The following KCNH1 variants were observed in gnomAD, a reference collection of about 807,000 sequenced individuals.
KCNH1 encodes potassium voltage-gated channel subfamily H member 1, also known as voltage-gated delayed rectifier potassium channel KCNH1.
In KCNH1, 27 loss-of-function variants were observed where a neutral mutation model predicts 69.2. That is an observed-to-expected ratio of 0.39 (90% CI 0.29 to 0.54). KCNH1 has a LOEUF of 0.54. KCNH1 is among the 20% of genes least tolerant of loss of function. The pLI is 0.68. For synonymous variants in KCNH1, 456 were observed against 487.7 expected (o/e 0.93, Z 0.86); for missense variants, 798 against 1,261.6 (o/e 0.63, Z 5.57).
chr1:210,785,157 G>T (rs1684069767), intron 9 of KCNH1, among the ~76,000 whole-genome samples: 1 of 152,194 alleles, frequency 6.6e-6, no homozygotes, highest in African/African-American at 2.4e-5. Flanking sequence ...CAAGATATGG[G>T]AGAGGCAAGG....
intron 10 of KCNH1, among the ~76,000 whole-genome samples, chr1:210,725,204 C>T (rs1465530990): frequency 4.6e-5 from 7 of 152,168 alleles, no homozygotes; most frequent in Non-Finnish European, 8.8e-5. Flanking sequence ...ATGCCCATAG[C>T]CCGTAGCTGC....
chr1:210,978,323 C>T (rs1204284838), intron 6 of KCNH1, among the ~76,000 whole-genome samples: 9 of 152,302 alleles, frequency 5.9e-5, no homozygotes, highest in African/African-American at 2.2e-4. Flanking sequence ...CAGGCATGAG[C>T]CACCGCGCCC....
At chr1:210,751,255 C>T (rs770458289) in intron 10 of KCNH1, among the ~76,000 whole-genome samples, 3 of 152,114 alleles carry the variant, frequency 2.0e-5, no homozygotes, top group Non-Finnish European at 4.4e-5. Context: ...GGCTGATGAG[C>T]TGGACGCAAG....
chr1:210,709,993 A>G (rs928286714), intron 10 of KCNH1, among the ~76,000 whole-genome samples: 1 of 152,256 alleles, frequency 6.6e-6, no homozygotes, highest in South Asian at 2.1e-4. Flanking sequence ...ACAGGAATAC[A>G]TTCTGATAAA....
chr1:210,846,922 C>T lies in KCNH1; in HGVS notation c.1463-42756G>A, dbSNP rs551125676. 2.0e-4 allele frequency among the ~76,000 whole-genome samples: 30 copies of T among 152,268 alleles called. 1 individual carries two copies. The South Asian group carries it at 5.6e-3, about 28-fold the overall frequency. On this transcript the variant is annotated intron_variant, in intron 7 of 10. Transcript: ENST00000271751. The stretch of plus-strand genomic sequence containing the variant: ...ACCCCATCAAAAAGTGGGCGAAGGA[C>T]ATGAACAGACACTTCTCAAAAGAAG...
intron 6 of KCNH1, among the ~76,000 whole-genome samples, chr1:211,011,601 T>C (rs1689395747): frequency 6.6e-6 from 1 of 152,182 alleles, no homozygotes; most frequent in East Asian, 1.9e-4. Context: ...CAGAGTGATT[T>C]GTTTTTAGGT....
chr1:210,859,018 G>T, intron 7 of KCNH1: 1 of 565,276 alleles, frequency 1.8e-6, no homozygotes, highest in Non-Finnish European at 3.1e-6. Flanking sequence ...TGCATGATCA[G>T]GTCCCATCTC....
intron 6 of KCNH1, among the ~76,000 whole-genome samples, chr1:210,997,963 G>T (rs1689085369): frequency 6.6e-6 from 1 of 152,296 alleles, no homozygotes; most frequent in East Asian, 1.9e-4. Context: ...AGCAAATGCT[G>T]AGAGATTTTG....
At chr1:210,690,608 G>A (rs949823751) in intron 10 of KCNH1, among the ~76,000 whole-genome samples, 1 of 152,188 alleles carries the variant, frequency 6.6e-6, no homozygotes, top group African/African-American at 2.4e-5. Context: ...TGAGGCAGTT[G>A]GTTGGGTTTT....
chr1:211,019,597 C>A (rs1340522635), intron 5 of KCNH1, among the ~76,000 whole-genome samples: 1 of 152,060 alleles, frequency 6.6e-6, no homozygotes, highest in African/African-American at 2.4e-5. Context: ...TTCTATTAGC[C>A]AATTATTATT....
Position 210,683,446 on chromosome 1 carries a change from C to G in KCNH1, c.2805G>C (p.Glu935Asp). Residue 935 changes from glutamate to aspartate, a missense_variant, in exon 11 of 11, where the codon GAG becomes GAC. Coordinates refer to ENST00000271751, the MANE Select transcript of KCNH1 (RefSeq NM_172362.3). The surrounding 1 kb of genome is among the most constrained non-coding windows in gnomAD (Gnocchi z 5.7). ...TVLEVRHELKEDIKALNAKMT... is the reference protein window; with the variant it reads ...TVLEVRHELKDDIKALNAKMT... ...TTTTGGCGTTTAAGGCCTTGATGTCCTCCTTCAGCTCGTGCCTCACCTCCA... is the reference window on the plus strand; with the variant it reads ...TTTTGGCGTTTAAGGCCTTGATGTCGTCCTTCAGCTCGTGCCTCACCTCCA... The G allele has an allele frequency of 6.2e-7, 1 of 1,614,182 alleles. No individual in the cohort carries two copies. Among genetic ancestry groups the G allele is most frequent in the Non-Finnish European group, 8.5e-7 (1 of 1,180,036 alleles).
rs1689458188 is a variant in KCNH1 at position 211,014,589 on chromosome 1, CT to C, written c.1032+4193del. ...TACCCCAGTTCTTTTTTGACCCAGA[CT>C]TTGGGTGGCTCCAATCTTTTCACTT... On this transcript the variant is annotated intron_variant, in intron 6 of 10. Coordinates refer to ENST00000271751, the MANE Select transcript of KCNH1 (RefSeq NM_172362.3). 2.6e-5 allele frequency among the ~76,000 whole-genome samples: 4 copies of C among 152,070 alleles called. No homozygotes were observed. The South Asian group carries it at 8.3e-4, about 32-fold the overall frequency.
intron 7 of KCNH1, among the ~76,000 whole-genome samples, chr1:210,915,853 T>C (rs570296326): frequency 4.6e-5 from 7 of 152,306 alleles, no homozygotes; most frequent in African/African-American, 1.4e-4. Flanking sequence ...GGATAATCTA[T>C]ATTATGGCTA....
intron 6 of KCNH1, among the ~76,000 whole-genome samples, chr1:210,952,222 C>G (rs968408928): frequency 6.6e-6 from 1 of 152,200 alleles, no homozygotes; most frequent in African/African-American, 2.4e-5. Flanking sequence ...ATATACTCAT[C>G]TCTGGCCATA....
At chr1:211,010,867 A>G (rs1406268585) in intron 6 of KCNH1, among the ~76,000 whole-genome samples, 2 of 152,186 alleles carry the variant, frequency 1.3e-5, no homozygotes, top group Non-Finnish European at 2.9e-5. Context: ...GAACTAAAAG[A>G]GAAGTAGAAC....
chr1:210,844,270 C>T (rs537941504), intron 7 of KCNH1, among the ~76,000 whole-genome samples: 23 of 152,292 alleles, frequency 1.5e-4, no homozygotes, highest in African/African-American at 4.3e-4. Context: ...TGCCTGTAAT[C>T]CCAGCATTTT....
chr1:211,049,764 G>A (rs1690160843), intron 5 of KCNH1, among the ~76,000 whole-genome samples: 1 of 152,154 alleles, frequency 6.6e-6, no homozygotes, highest in African/African-American at 2.4e-5. Flanking sequence ...AGTAACATTA[G>A]ACAAAATTGT....
intron 6 of KCNH1, among the ~76,000 whole-genome samples, chr1:211,011,075 A>G (rs1216824627): frequency 2.6e-5 from 4 of 152,030 alleles, no homozygotes; most frequent in African/African-American, 9.7e-5. Flanking sequence ...GGTTTGCTGT[A>G]CCCATCAACC....
chr1:210,967,182 G>A (rs953261918), intron 6 of KCNH1, among the ~76,000 whole-genome samples: 2 of 152,082 alleles, frequency 1.3e-5, no homozygotes, highest in South Asian at 2.1e-4. Flanking sequence ...AGGGGTTGGG[G>A]GGCTAGGGGA....
Sources: allele counts gnomAD v4.1 joint callset (sites outside exome capture counted in the v4.1 genomes callset), GRCh38; gene constraint gnomAD v4.1.1; non-coding constraint Gnocchi (gnomAD v3.1); transcripts MANE v1.5; gene names NCBI Gene and HGNC (gene_info 2026-07-23, HGNC 2026-07-21).